Variants in NCKAP5 observed in about 807,000 individuals in gnomAD.
NCKAP5 encodes nck-associated protein 5.
A neutral mutation model predicts 167.0 loss-of-function variants in NCKAP5; 92 were observed. The observed-to-expected ratio is 0.55, with a 90% CI of 0.47 to 0.66. The LOEUF (loss-of-function observed/expected upper bound fraction) is 0.66, where lower values mean the gene tolerates loss of function less well. Among genes scored for constraint, NCKAP5 ranks in the 30% least tolerant of loss-of-function variants. The probability of loss-of-function intolerance (pLI) is 0.00; values close to 1 mark genes in which losing one functional copy is unlikely to be tolerated. For missense variants in NCKAP5, 2,378 were observed against 2,315.0 expected (o/e 1.03, Z -0.56); for synonymous variants, 891 against 877.4 (o/e 1.02, Z -0.27).
In NCKAP5 at chr2:132,811,823, G is replaced by T. The variant is rs572980851; in HGVS notation, c.808-15094C>A. Among the ~76,000 whole-genome samples, 11 of 152,298 alleles carry T rather than the reference G, an allele frequency of 7.2e-5. No homozygotes were observed. In the South Asian group the frequency reaches 1.0e-3, roughly 14 times the overall value. On this transcript the variant is annotated intron_variant, in intron 11 of 19. Transcript: ENST00000409261. ...CCTGTTCAAATTGTTACAAAGTTCA[G>T]CGGGAGATTTCCTTCTTCCTGTGGA... is the stretch of plus-strand genomic sequence containing the variant.
upstream of NCKAP5, among the ~76,000 whole-genome samples, chr2:133,569,418 C>T (rs533025672): frequency 6.6e-6 from 1 of 152,284 alleles, no homozygotes; most frequent in African/African-American, 2.4e-5. Flanking sequence ...TATTTACTTG[C>T]TGCTTTTTAT....
chr2:132,675,617 C>A (rs1222903740), intron 19 of NCKAP5, among the ~76,000 whole-genome samples: 3 of 152,002 alleles, frequency 2.0e-5, no homozygotes, highest in Admixed American at 1.3e-4. Flanking sequence ...AAATTTGAGA[C>A]CCACTGGTCT....
At chr2:133,461,553 A>G (rs912483185) in intron 3 of NCKAP5, among the ~76,000 whole-genome samples, 2 of 152,174 alleles carry the variant, frequency 1.3e-5, no homozygotes, top group Non-Finnish European at 2.9e-5. Flanking sequence ...CAGAGTTCCA[A>G]GTCCCAACCA....
intron 11 of NCKAP5, among the ~76,000 whole-genome samples, chr2:132,798,237 G>T (rs1684756758): frequency 1.3e-5 from 2 of 151,952 alleles, no homozygotes; most frequent in South Asian, 4.2e-4. Context: ...CTTTCCTGGG[G>T]GCAAAGATAC....
intron 3 of NCKAP5, among the ~76,000 whole-genome samples, chr2:133,426,732 A>G (rs1051941065): frequency 3.3e-5 from 5 of 152,222 alleles, no homozygotes; most frequent in Admixed American, 2.0e-4. Context: ...TCTTTAGTTA[A>G]TAAGAGTGTA....
chr2:132,790,543 C>T (rs904448202), intron 12 of NCKAP5, among the ~76,000 whole-genome samples: 5 of 152,116 alleles, frequency 3.3e-5, no homozygotes, highest in Non-Finnish European at 1.5e-5. Flanking sequence ...TATGGGTGCT[C>T]ACAGTACAGT....
At chr2:133,463,806 A>G (rs752803529) in intron 3 of NCKAP5, among the ~76,000 whole-genome samples, 1 of 152,252 alleles carries the variant, frequency 6.6e-6, no homozygotes, top group Non-Finnish European at 1.5e-5. Context: ...GGATATTTCC[A>G]ACTTGATTTA....
At chr2:132,761,992 C>T (rs1681048838) in intron 16 of NCKAP5, among the ~76,000 whole-genome samples, 1 of 152,174 alleles carries the variant, frequency 6.6e-6, no homozygotes, top group African/African-American at 2.4e-5. Context: ...AACATCTGGT[C>T]ATCATTTAGA....
At chr2:133,128,509 A>G (rs1011358867) in intron 6 of NCKAP5, among the ~76,000 whole-genome samples, 1 of 152,206 alleles carries the variant, frequency 6.6e-6, no homozygotes, top group Non-Finnish European at 1.5e-5. Flanking sequence ...GAAAGATTCC[A>G]ACTGCTAGAA....
At chr2:133,659,223 CTG>C in the NCKAP5 span, among the ~76,000 whole-genome samples, 3 of 152,064 alleles carry the variant, frequency 2.0e-5, no homozygotes, top group Non-Finnish European at 2.9e-5. Flanking sequence ...TTGATGAAAA[CTG>C]AGACATATTG....
chr2:133,564,149 T>C (rs532243084), intron 1 of NCKAP5, among the ~76,000 whole-genome samples: 114 of 151,544 alleles, frequency 7.5e-4, no homozygotes, highest in African/African-American at 2.5e-3. Context: ...AAAAAAAAAG[T>C]ACGTGCTGTG....
intron 6 of NCKAP5, among the ~76,000 whole-genome samples, chr2:133,025,663 A>C (rs2078671943): frequency 1.3e-5 from 2 of 152,210 alleles, no homozygotes; most frequent in Admixed American, 1.3e-4. Context: ...GAGTGAATTC[A>C]GAACTTTCCA....
chr2:133,316,401 C>G (rs1681612313), intron 3 of NCKAP5, among the ~76,000 whole-genome samples: 1 of 152,002 alleles, frequency 6.6e-6, no homozygotes, highest in African/African-American at 2.4e-5. Flanking sequence ...ACTGCCTATC[C>G]CAGGAAGACT....
At chr2:133,377,479 A>G (rs1686227755) in intron 3 of NCKAP5, among the ~76,000 whole-genome samples, 1 of 152,222 alleles carries the variant, frequency 6.6e-6, no homozygotes, top group African/African-American at 2.4e-5. Flanking sequence ...AGGAAAGAAT[A>G]AACTATTCCA....
At chr2:133,330,906 A>G (rs544501855) in intron 3 of NCKAP5, among the ~76,000 whole-genome samples, 1 of 152,230 alleles carries the variant, frequency 6.6e-6, no homozygotes, top group Non-Finnish European at 1.5e-5. Flanking sequence ...TAAAAAAAAG[A>G]AGAAAGTATT....
chr2:132,828,335 T>A (rs1459487777), intron 11 of NCKAP5, among the ~76,000 whole-genome samples: 1 of 152,148 alleles, frequency 6.6e-6, no homozygotes, highest in Non-Finnish European at 1.5e-5. Context: ...AGGGGCCTGG[T>A]GGGAGGTGAT....
intron 8 of NCKAP5, among the ~76,000 whole-genome samples, chr2:132,933,953 T>C (rs955853594): frequency 2.6e-5 from 4 of 152,236 alleles, no homozygotes; most frequent in Admixed American, 2.6e-4. Context: ...GCAGACTGTC[T>C]ATTCATTTGG....
At chr2:133,173,501 C>T (rs929050003) in intron 5 of NCKAP5, among the ~76,000 whole-genome samples, 1 of 152,136 alleles carries the variant, frequency 6.6e-6, no homozygotes, top group African/African-American at 2.4e-5. Flanking sequence ...GATCATCCTC[C>T]ACCATCCCCC....
chr2:133,332,972 G>C (rs1242097277), intron 3 of NCKAP5, among the ~76,000 whole-genome samples: 1 of 152,222 alleles, frequency 6.6e-6, no homozygotes, highest in African/African-American at 2.4e-5. Flanking sequence ...TCTCTCTGGA[G>C]GGAAAATTCT....
Sources: gnomAD v4.1 joint callset for allele counts (sites outside exome capture counted in the v4.1 genomes callset) on GRCh38, gnomAD v4.1.1 for gene constraint, MANE v1.5 for transcripts, NCBI Gene and HGNC (gene_info 2026-07-23, HGNC 2026-07-21) for gene names.